Variants in CLVS1 observed in about 807,000 individuals in gnomAD.
CLVS1 encodes clavesin-1.
In CLVS1, 10 loss-of-function variants were observed where a neutral mutation model predicts 33.1. The ratio of observed to expected loss-of-function variants is 0.30; its 90% CI spans 0.19 to 0.51. The LOEUF (loss-of-function observed/expected upper bound fraction) is 0.51, where lower values mean the gene tolerates loss of function less well. CLVS1 is among the 20% of genes least tolerant of loss of function. The pLI, the probability that CLVS1 is intolerant of heterozygous loss-of-function variation, is 0.97. For synonymous variants in CLVS1, 163 were observed against 166.1 expected, an observed-to-expected ratio of 0.98 and a Z score of 0.14; for missense variants, 343 against 433.4, an observed-to-expected ratio of 0.79 and a Z score of 1.85.
chr8:61,245,857 C>T (rs1176624785), intron 2 of CLVS1, among the ~76,000 whole-genome samples: 1 of 151,934 alleles, frequency 6.6e-6, no homozygotes, highest in Non-Finnish European at 1.5e-5. Flanking sequence ...ACACCTTGAC[C>T]TGCTGGGCTC....
the CLVS1 span, among the ~76,000 whole-genome samples, chr8:60,972,884 C>T: frequency 6.6e-6 from 1 of 152,186 alleles, no homozygotes; most frequent in African/African-American, 2.4e-5. Context: ...GTGTATTAAA[C>T]TCTCTCTATT....
At chr8:61,383,320 G>T (rs1813958881) in intron 3 of CLVS1, among the ~76,000 whole-genome samples, 1 of 152,218 alleles carries the variant, frequency 6.6e-6, no homozygotes, top group Non-Finnish European at 1.5e-5. Flanking sequence ...TTGCAGTGTG[G>T]TGATTAATGA....
the CLVS1 span, among the ~76,000 whole-genome samples, chr8:60,973,757 T>C: frequency 1.2e-4 from 19 of 152,310 alleles, no homozygotes; most frequent in East Asian, 3.7e-3. Flanking sequence ...CTCTTTTGCC[T>C]CATAATGCTC....
intron 5 of CLVS1, among the ~76,000 whole-genome samples, chr8:61,494,555 A>T (rs1296278568): frequency 6.6e-6 from 1 of 152,212 alleles, no homozygotes; most frequent in African/African-American, 2.4e-5. Flanking sequence ...ATTACCACCA[A>T]GAGTGATCTG....
At chr8:60,999,175 G>A in the CLVS1 span, among the ~76,000 whole-genome samples, 2 of 152,188 alleles carry the variant, frequency 1.3e-5, no homozygotes, top group Non-Finnish European at 2.9e-5. Flanking sequence ...GCTCTAAGAC[G>A]GAGCAAGACT....
intron 5 of CLVS1, among the ~76,000 whole-genome samples, chr8:61,486,779 C>T (rs1803901307): frequency 6.6e-6 from 1 of 152,122 alleles, no homozygotes; most frequent in Non-Finnish European, 1.5e-5. Context: ...TCCCTGCCAC[C>T]CTGATTCATT....
chr8:61,400,815 G>A (rs1294015587), intron 3 of CLVS1, among the ~76,000 whole-genome samples: 2 of 152,104 alleles, frequency 1.3e-5, no homozygotes, highest in Non-Finnish European at 2.9e-5. Context: ...CTTTAGTTCT[G>A]TTTATGTGAT....
intron 1 of CLVS1, among the ~76,000 whole-genome samples, chr8:61,113,692 C>T (rs1373447889): frequency 6.6e-6 from 1 of 152,224 alleles, no homozygotes. Flanking sequence ...AAGGATGGCT[C>T]TGCTTACGGC....
intron 1 of CLVS1, among the ~76,000 whole-genome samples, chr8:61,064,905 G>C (rs1055366185): frequency 6.6e-6 from 1 of 152,224 alleles, no homozygotes; most frequent in African/African-American, 2.4e-5. Flanking sequence ...GTTTCACCAA[G>C]TTGGCCAGGC....
rs1281801688 is a variant in CLVS1, at chr8:61,375,179, T to TTA, written c.456-1423_456-1422dup. Among the ~76,000 whole-genome samples, 12 of 152,246 alleles carry TTA rather than the reference T, an allele frequency of 7.9e-5. No homozygotes were observed. The East Asian group carries it at 2.3e-3, about 29-fold the overall frequency. On this transcript the variant is annotated intron_variant, in intron 2 of 5. Coordinates refer to ENST00000325897, the MANE Select transcript of CLVS1 (RefSeq NM_173519.3). The stretch of plus-strand genomic sequence containing the variant: ...GAAAGTAGAAATAGGACATTCTAAT[T>TTA]TATAACTTTAAGCATAGGCATAACA...
At chr8:60,985,658 A>G in the CLVS1 span, among the ~76,000 whole-genome samples, 17,541 of 152,198 alleles carry the variant, frequency 0.12, 1,551 homozygotes, top group East Asian at 0.4. Context: ...TTAATGAAAT[A>G]ATGTTTTGGG....
At chr8:61,283,976 C>T (rs1027502835), upstream of CLVS1, among the ~76,000 whole-genome samples, 2 of 152,014 alleles carry the variant, frequency 1.3e-5, no homozygotes, top group East Asian at 1.9e-4. Context: ...TATATGGAAT[C>T]GGCCTAAGTG....
chr8:61,260,727 C>G (rs1187633379), intron 2 of CLVS1, among the ~76,000 whole-genome samples: 1 of 152,206 alleles, frequency 6.6e-6, no homozygotes, highest in Admixed American at 6.5e-5. Flanking sequence ...GGCCCAAGTC[C>G]TGTGCTGAGT....
chr8:61,150,300 A>C (rs1469603128), intron 2 of CLVS1, among the ~76,000 whole-genome samples: 2 of 152,132 alleles, frequency 1.3e-5, no homozygotes, highest in Non-Finnish European at 2.9e-5. Flanking sequence ...GAGCTTGCCA[A>C]AGGAAAGCTA....
At chr8:61,025,465 T>C in the CLVS1 span, among the ~76,000 whole-genome samples, 3 of 152,186 alleles carry the variant, frequency 2.0e-5, no homozygotes, top group Non-Finnish European at 4.4e-5. Flanking sequence ...TGAGACTGCA[T>C]TTACCAAAGA....
At chr8:61,016,605 T>C in the CLVS1 span, among the ~76,000 whole-genome samples, 1 of 152,220 alleles carries the variant, frequency 6.6e-6, no homozygotes, top group Non-Finnish European at 1.5e-5. Flanking sequence ...TTTCAGTGAT[T>C]ATCACTCTGG....
At chr8:60,974,664 G>A in the CLVS1 span, among the ~76,000 whole-genome samples, 5 of 152,032 alleles carry the variant, frequency 3.3e-5, no homozygotes, top group African/African-American at 4.8e-5. Context: ...TTAGTCAACT[G>A]GTTTATTAAG....
At chr8:61,482,506 C>T (rs556737964) in intron 5 of CLVS1, among the ~76,000 whole-genome samples, 1 of 152,258 alleles carries the variant, frequency 6.6e-6, no homozygotes, top group East Asian at 1.9e-4. Context: ...TAGAGAAGTC[C>T]TTAAATGACC....
At chr8:61,099,260 C>A (rs1369958532) in intron 1 of CLVS1, among the ~76,000 whole-genome samples, 1 of 151,926 alleles carries the variant, frequency 6.6e-6, no homozygotes, top group Non-Finnish European at 1.5e-5. Context: ...TGGTGGGCAT[C>A]CAAAAGGAGA....
Sources: gnomAD v4.1 joint callset for allele counts (sites outside exome capture counted in the v4.1 genomes callset) on GRCh38, gnomAD v4.1.1 for gene constraint, MANE v1.5 for transcripts, NCBI Gene and HGNC (gene_info 2026-07-23, HGNC 2026-07-21) for gene names.